The following CATSPER2 variants were observed in gnomAD, a reference collection of about 807,000 sequenced individuals.
CATSPER2 encodes the protein cation channel sperm associated 2.
In CATSPER2, 56 loss-of-function variants were observed where a neutral mutation model predicts 68.8. The ratio of observed to expected loss-of-function variants is 0.81; its 90% CI spans 0.66 to 1.02. CATSPER2 has a LOEUF of 1.02. Among genes scored for constraint, CATSPER2 ranks in the 50% least tolerant of loss-of-function variants. The probability of loss-of-function intolerance (pLI) is 0.00; values close to 1 mark genes in which losing one functional copy is unlikely to be tolerated. For synonymous variants in CATSPER2, 198 were observed against 229.9 expected (o/e 0.86, Z 1.26); for missense variants, 582 against 642.0 (o/e 0.91, Z 1.01).
rs1381952789 is a variant in CATSPER2 at position 43,629,710 on chromosome 15, T to A, written c.*991A>T. 2 of 151,010 alleles carry A rather than the reference T, an allele frequency of 1.3e-5. No homozygotes were observed. The highest frequency in any genetic ancestry group is 2.9e-5 in the Non-Finnish European group (2 of 67,874). 9.4% of individuals were successfully genotyped at this position (151,010 alleles called of 1,614,324 possible). A position where few individuals can be genotyped will look rare whatever the true frequency, so the allele number is the denominator to read the frequency against. ...TGTTCCTGCTTTGATGGGAGATAGA[T>A]TAACTCTGAAATCCCTTCTAACACT... On this transcript the variant is annotated 3_prime_UTR_variant, in exon 13 of 13. Coordinates refer to ENST00000396879, the MANE Select transcript of CATSPER2 (RefSeq NM_172095.4).
intron 4 of CATSPER2, among the ~76,000 whole-genome samples, chr15:43,641,180 G>C (rs1472514539): frequency 6.7e-6 from 1 of 150,334 alleles, no homozygotes; most frequent in East Asian, 1.9e-4. Flanking sequence ...GCAATGGTGC[G>C]ATCTTGTCTC....
At chr15:43,631,088 C>G (rs1478516552) in intron 12 of CATSPER2, among the ~76,000 whole-genome samples, 1 of 151,950 alleles carries the variant, frequency 6.6e-6, no homozygotes, top group Non-Finnish European at 1.5e-5. Flanking sequence ...ATAAATTCCT[C>G]ATTTCCCACC....
intron 7 of CATSPER2, among the ~76,000 whole-genome samples, chr15:43,638,128 T>A (rs1258108000): frequency 6.6e-6 from 1 of 150,906 alleles, no homozygotes; most frequent in Non-Finnish European, 1.5e-5. Context: ...CTAATTTTTG[T>A]ATTTTTAGTA....
At chr15:43,638,196 CA>C (rs1337302839) in intron 7 of CATSPER2, among the ~76,000 whole-genome samples, 1 of 150,802 alleles carries the variant, frequency 6.6e-6, no homozygotes, top group Admixed American at 6.6e-5. Flanking sequence ...TCAGGTGATC[CA>C]CCTGTCTTGG....
chr15:43,644,181 C>T (rs2086120482), intron 4 of CATSPER2, among the ~76,000 whole-genome samples: 1 of 151,874 alleles, frequency 6.6e-6, no homozygotes, highest in South Asian at 2.1e-4. Context: ...AAAGCCCTAA[C>T]AGTTTAGATC....
intron 3 of CATSPER2, 76 bp downstream of exon 3, chr15:43,647,218 A>G (rs2086184452): frequency 1.3e-6 from 2 of 1,571,276 alleles, no homozygotes; most frequent in Non-Finnish European, 8.8e-7. Flanking sequence ...GAGACAGTGG[A>G]GTATGGGGAG....
chr15:43,630,593 T>C lies in CATSPER2; in HGVS notation c.*108A>G. On this transcript the variant is annotated 3_prime_UTR_variant, in exon 13 of 13. Coordinates refer to ENST00000396879, the MANE Select transcript of CATSPER2 (RefSeq NM_172095.4). ...AGACACTTATACTTTTTAATTTTAA[T>C]GAACAGACATTGTTCTATCTGAATG... 6.2e-7 allele frequency: 1 copy of C among 1,605,456 alleles called. No homozygotes were observed. Among genetic ancestry groups the C allele is most frequent in the South Asian group, 1.1e-5 (1 of 90,564 alleles).
intron 10 of CATSPER2, chr15:43,633,168 C>T (rs1266742478): frequency 1.1e-5 from 6 of 558,944 alleles, no homozygotes; most frequent in East Asian, 6.4e-5. Context: ...ACTCTACCTT[C>T]GAAATATATC....
At chr15:43,648,873 C>T, upstream of CATSPER2, 2 of 1,489,406 alleles carry the variant, frequency 1.3e-6, no homozygotes, top group East Asian at 5.1e-5. Flanking sequence ...CGCCTAGGCC[C>T]CGCCCCGCCC....
chr15:43,639,766 C>T lies in CATSPER2; in HGVS notation c.594G>A (p.Gly198=), dbSNP rs2086040140. The T allele has an allele frequency of 1.2e-6, 2 of 1,611,748 alleles. No individual in the cohort carries two copies. The highest frequency in any genetic ancestry group is 1.7e-5 in the Admixed American group (1 of 59,872). The change falls in exon 6 of 13, where the codon GGG becomes GGA. Residue 198 remains glycine, a synonymous_variant. Transcript: ENST00000396879. ...SLLPEVVVLV[G]VTGQSVWLQL... is the part of the protein sequence containing the mutation. ...GAAGCCACACCGATTGGCCTGTTACCCCTACCAATACCACAACCTCGGGAA... is the reference window on the plus strand; with the variant it reads ...GAAGCCACACCGATTGGCCTGTTACTCCTACCAATACCACAACCTCGGGAA...
chr15:43,633,372 T>C, intron 10 of CATSPER2: 1 of 226,974 alleles, frequency 4.4e-6, no homozygotes, highest in Non-Finnish European at 8.7e-6. Flanking sequence ...TCAAAGTCCC[T>C]ACAATGGCAC....
At position 43,639,020 on chromosome 15, in the gene CATSPER2, G is replaced by A. The variant is rs761918326; in HGVS notation, c.726C>T (p.Thr242=). ...LVLVRALKSM[T]FLLMLLLIFF... ...AGATGAGCAGCAACATCAAGAGGAA[G>A]GTCATGCTCTAGAGGCCATAACTCT... Residue 242 remains threonine, a synonymous_variant, in exon 7 of 13, where the codon ACC becomes ACT. Transcript: ENST00000396879. 32 of 1,612,324 alleles carry A rather than the reference G, an allele frequency of 2.0e-5. 1 individual carries two copies. Among genetic ancestry groups the A allele is most frequent in the Non-Finnish European group, 2.3e-5 (27 of 1,179,092 alleles).
At chr15:43,634,585 G>C (rs1453524807) in intron 10 of CATSPER2, 1 of 152,220 alleles carries the variant, frequency 6.6e-6, no homozygotes, top group Non-Finnish European at 1.5e-5. Flanking sequence ...ATGTCTCAAT[G>C]CAGTCTTGAA....
chr15:43,634,981 C>T (rs2085937587), intron 10 of CATSPER2: 1 of 269,676 alleles, frequency 3.7e-6, no homozygotes, highest in South Asian at 5.2e-5. Context: ...CATTCCTCAG[C>T]TTCCCTTGGC....
intron 10 of CATSPER2, chr15:43,634,291 G>A (rs2085927147): frequency 6.6e-6 from 1 of 151,290 alleles, no homozygotes; most frequent in Non-Finnish European, 1.5e-5. Flanking sequence ...GCACAATCAC[G>A]GCTCACCACA....
At position 43,639,686 on chromosome 15, in the gene CATSPER2, C is replaced by T. The variant is rs141352021; in HGVS notation, c.674G>A (p.Arg225His). 622 of 1,613,030 alleles carry T rather than the reference C, an allele frequency of 3.9e-4. 8 individuals carry two copies. The highest frequency in any genetic ancestry group is 4.7e-4 in the Non-Finnish European group (553 of 1,179,608). ...LRSLKLLAQF[R>H]QIQIIILVLV... is the part of the protein sequence containing the mutation. ...GACCAAAATAATAATTTGAATTTGA[C>T]GGAATTGTGCAAGGAGTTTGAGAGA... The change falls in exon 6 of 13, where the codon CGT becomes CAT. Residue 225 changes from arginine to histidine, a missense_variant. Physicochemically the swap from Arg to His is conservative, Grantham distance 29. This residue lies in a region of CATSPER2 where 91 missense variants were observed against 72.8 expected (regional missense o/e 1.25). Coordinates refer to ENST00000396879, the MANE Select transcript of CATSPER2 (RefSeq NM_172095.4).
rs559032654 is a variant in CATSPER2 at position 43,636,330 on chromosome 15, T to C, written c.843-111A>G. On this transcript the variant is annotated intron_variant, in intron 7 of 12. Coordinates refer to ENST00000396879, the MANE Select transcript of CATSPER2 (RefSeq NM_172095.4). ...AGCATTTCTTTGTAGTTTGTTCTGA[T>C]TTTGGCTCCTTTTCTACCATACTCA... 6.3e-5 allele frequency: 89 copies of C among 1,416,168 alleles called. 2 individuals carry two copies. In the African/African-American group the frequency reaches 1.1e-3, roughly 17 times the overall value. The allele number at this position is 1,416,168 out of a possible 1,614,324, so 87.7% of individuals were successfully genotyped here. A position where few individuals can be genotyped will look rare whatever the true frequency, so the allele number is the denominator to read the frequency against.
intron 11 of CATSPER2, 150 bp downstream of exon 11, chr15:43,632,567 C>T (rs2085894216): frequency 5.3e-6 from 8 of 1,511,694 alleles, no homozygotes; most frequent in Non-Finnish European, 6.3e-6. Flanking sequence ...AGAAGAAGTA[C>T]AGGGGAAATT....
chr15:43,631,194 AAC>A (rs1478116136), intron 12 of CATSPER2, among the ~76,000 whole-genome samples: 1 of 151,998 alleles, frequency 6.6e-6, no homozygotes, highest in Non-Finnish European at 1.5e-5. Flanking sequence ...AAACCCAGAT[AAC>A]ACATATTAAA....
Sources: gnomAD v4.1 joint callset for allele counts (sites outside exome capture counted in the v4.1 genomes callset) on GRCh38, gnomAD v4.1.1 for gene constraint, gnomAD v4.1.1 regional missense constraint, MANE v1.5 for transcripts, NCBI Gene and HGNC (gene_info 2026-07-23, HGNC 2026-07-21) for gene names.